The following MYO15A variants were observed in gnomAD, a reference collection of about 807,000 sequenced individuals.
MYO15A encodes the protein unconventional myosin-XV.
Under a neutral mutation model 394.6 loss-of-function variants are expected in MYO15A, and 308 were observed. That is an observed-to-expected ratio of 0.78 (90% confidence interval 0.71 to 0.86). The LOEUF (loss-of-function observed/expected upper bound fraction) is 0.86, where lower values mean the gene tolerates loss of function less well. Among genes scored for constraint, MYO15A ranks in the 40% least tolerant of loss-of-function variants. The pLI is 0.00. For synonymous variants in MYO15A, 1,957 were observed against 2,003.8 expected (o/e 0.98, Z 0.62); for missense variants, 4,606 against 4,799.1 (o/e 0.96, Z 1.19).
chr17:18,150,472 G>A lies in MYO15A; in HGVS notation c.7256G>A (p.Gly2419Glu). Residue 2419 changes from glycine (G) to glutamate (E), a missense_variant, in exon 36 of 66, where the codon GGA becomes GAA. By Grantham distance (98) the Gly-to-Glu change is moderately conservative (BLOSUM62 -2). Around this residue, in one of 2 missense-constraint regions of MYO15A, gnomAD observed 2,776 missense variants for 3,109.3 expected, o/e 0.89. Transcript: ENST00000647165. This position sits in a 1 kb window ranked among gnomAD's most constrained non-coding sequence, Gnocchi z 4.4. ...GCCATTGCCTACCGCATGAAAGGGG[G>A]AGGCCAGCCCGGTGGAGGCAGCAGT... ...PTAIAYRMKG[G>E]GQPGGGSSSG... is the part of the protein sequence containing the mutation. 1 of 1,614,154 alleles carries A rather than the reference G, an allele frequency of 6.2e-7. No individual in the cohort carries two copies. Among genetic ancestry groups the A allele is most frequent in the Non-Finnish European group, 8.5e-7 (1 of 1,180,006 alleles).
chr17:18,157,811 C>G lies in MYO15A; in HGVS notation c.8878C>G (p.Pro2960Ala). The change falls in exon 51 of 66, where the codon CCA (proline) becomes GCA (alanine). Residue 2960 changes from proline to alanine, a missense_variant. This residue lies in a region of MYO15A where 2,776 missense variants were observed against 3,109.3 expected (regional missense o/e 0.89). Coordinates refer to ENST00000647165, the MANE Select transcript of MYO15A (RefSeq NM_016239.4). Reference protein sequence around the residue: ...PAAAPDFLQLPTEPGRGRAAA... With the variant: ...PAAAPDFLQLATEPGRGRAAA... ...TGCTGCCCCCGACTTCCTGCAGCTG[C>G]CAACGGAGCCAGGCCGCGGCCGAGC... 1 of 1,601,484 alleles carries G rather than the reference C, an allele frequency of 6.2e-7. No individual in the cohort carries two copies. The highest frequency in any genetic ancestry group is 1.1e-5 in the South Asian group (1 of 90,976).
chr17:18,174,763 T>C (rs2046990609), intron 65 of MYO15A, among the ~76,000 whole-genome samples: 1 of 152,150 alleles, frequency 6.6e-6, no homozygotes. Flanking sequence ...CACCCACACG[T>C]CTGCCCTGTC....
chr17:18,141,868 G>A, intron 23 of MYO15A, 98 bp downstream of exon 23: 4 of 1,359,050 alleles, frequency 2.9e-6, no homozygotes, highest in Non-Finnish European at 4.2e-6. Context: ...TGCCATCCCA[G>A]GAGCAACCCA....
chr17:18,119,674 C>G lies in MYO15A; in HGVS notation c.874C>G (p.Pro292Ala). The G allele has an allele frequency of 6.2e-7, 1 of 1,607,094 alleles. No individual in the cohort carries two copies. Among genetic ancestry groups the G allele is most frequent in the South Asian group, 1.1e-5 (1 of 91,084 alleles). ...PPEDPYDYYH[P>A]DYYGGPFDPG... ...CGAGGATCCCTACGACTACTACCACCCCGACTATTACGGTGGCCCCTTTGA... is the reference window on the plus strand; with the variant it reads ...CGAGGATCCCTACGACTACTACCACGCCGACTATTACGGTGGCCCCTTTGA... Residue 292 changes from proline to alanine, a missense_variant, in exon 2 of 66, where the codon CCC (proline) becomes GCC (alanine). Transcript: ENST00000647165.
intron 12 of MYO15A, among the ~76,000 whole-genome samples, chr17:18,135,321 C>T (rs1369495910): frequency 1.8e-4 from 27 of 152,168 alleles, no homozygotes; most frequent in Admixed American, 1.8e-3. Flanking sequence ...CAGGCACCCG[C>T]CACCACGCGT....
Position 18,148,263 on chromosome 17 carries a change from G to GACT in MYO15A, c.6691+53_6691+54insACT. The stretch of plus-strand genomic sequence containing the variant: ...GGGCAGTGGGAGTCAGCAGGGCCCA[G>GACT]TGAGCCCCGGGGATGGCAGAAGCCA... On this transcript the variant is annotated intron_variant, in intron 31 of 65. Coordinates refer to ENST00000647165, the MANE Select transcript of MYO15A (RefSeq NM_016239.4). This position sits in a 1 kb window ranked among gnomAD's most constrained non-coding sequence, Gnocchi z 4.8. 3 of 1,606,474 alleles carry GACT rather than the reference G, an allele frequency of 1.9e-6. No homozygotes were observed. In the South Asian group the frequency reaches 3.3e-5, roughly 18 times the overall value.
In MYO15A at chr17:18,173,766, T is replaced by G. The variant is rs377392348; in HGVS notation, c.10351-15T>G. On this transcript the variant is annotated splice_polypyrimidine_tract_variant and intron_variant, in intron 64 of 65. Coordinates refer to ENST00000647165, the MANE Select transcript of MYO15A (RefSeq NM_016239.4). The stretch of plus-strand genomic sequence containing the variant: ...CGCCCACAGGCCTGTCCGGCCCCTC[T>G]CCTCCTACTCCCAGGAATTGATGGT... 8.7e-6 allele frequency: 14 copies of G among 1,613,748 alleles called. No individual in the cohort carries two copies. The African/African-American group carries it at 1.6e-4, about 18-fold the overall frequency.
At chr17:18,173,552 T>C (rs1030165536) in intron 64 of MYO15A, 6 of 613,076 alleles carry the variant, frequency 9.8e-6, no homozygotes, top group Admixed American at 7.1e-5. Flanking sequence ...TGGTACATGA[T>C]AGATGCATCA....
rs1051387171 is a variant in MYO15A, at chr17:18,137,492, C to G, written c.4780-92C>G. 5 of 1,107,750 alleles carry G rather than the reference C, an allele frequency of 4.5e-6. No individual in the cohort carries two copies. In the African/African-American group the frequency reaches 7.7e-5, roughly 17 times the overall value. 68.6% of individuals were successfully genotyped at this position (1,107,750 alleles called of 1,614,324 possible). On this transcript the variant is annotated intron_variant, in intron 15 of 65. Coordinates refer to ENST00000647165, the MANE Select transcript of MYO15A (RefSeq NM_016239.4). ...TGAGCTGAGGGCCTGTGGCTGAGCT[C>G]CAGCTTTTTGAAGTTGCCACCAGGG...
chr17:18,176,483 C>T (rs2047014782), intron 65 of MYO15A: 1 of 152,056 alleles, frequency 6.6e-6, no homozygotes, highest in Admixed American at 6.6e-5. Context: ...CACCTCCCAC[C>T]AGGCCCTGTC....
intron 61 of MYO15A, among the ~76,000 whole-genome samples, chr17:18,167,260 G>A (rs1259685600): frequency 2.6e-5 from 4 of 152,120 alleles, no homozygotes; most frequent in East Asian, 1.9e-4. Context: ...AAGCCCTCCC[G>A]TGGCTCAGGC....
intron 57 of MYO15A, among the ~76,000 whole-genome samples, chr17:18,161,904 C>A (rs2046782474): frequency 6.6e-6 from 1 of 151,218 alleles, no homozygotes; most frequent in Admixed American, 6.6e-5. Flanking sequence ...AAAGGGGGGG[C>A]CACTCTTCAG....
At position 18,150,378 on chromosome 17, in the gene MYO15A, C is replaced by T. The variant is rs572456405; in HGVS notation, c.7213-51C>T. 1.3e-6 allele frequency: 2 copies of T among 1,554,328 alleles called. No individual in the cohort carries two copies. Among genetic ancestry groups the T allele is most frequent in the African/African-American group, 1.4e-5 (1 of 73,664 alleles). On this transcript the variant is annotated intron_variant, in intron 35 of 65. Coordinates refer to ENST00000647165, the MANE Select transcript of MYO15A (RefSeq NM_016239.4). The surrounding 1 kb of genome is among the most constrained non-coding windows in gnomAD (Gnocchi z 4.4). The stretch of plus-strand genomic sequence containing the variant: ...GTGTCAGGTGCCTGTTGCCATGGAA[C>T]CTTGGGAGTACAATAATGAGATGGT...
At position 18,142,177 on chromosome 17, in the gene MYO15A, CTTCA is replaced by C. The variant is rs1401491905; in HGVS notation, c.5751_5754del (p.Phe1917LeufsTer31). 6.2e-7 allele frequency: 1 copy of C among 1,613,856 alleles called. No homozygotes were observed. The highest frequency in any genetic ancestry group is 1.1e-5 in the South Asian group (1 of 91,078). ...CTCTGCAGCGCTGCCTCCGTGGCTT[CTTCA>C]TTAAGCGGCGATTCCGCTCTCTGCG... On this transcript the variant is annotated frameshift_variant, in exon 24 of 66. Transcript: ENST00000647165. LOFTEE classifies it high-confidence loss of function.
chr17:18,149,002 G>A lies in MYO15A; in HGVS notation c.6956+50G>A, dbSNP rs747075358. On this transcript the variant is annotated intron_variant, in intron 33 of 65. Coordinates refer to ENST00000647165, the MANE Select transcript of MYO15A (RefSeq NM_016239.4). ...CACAGATGGCCACTCCCAGGCAGAA[G>A]GCCGGCCACTCCCAGGCAGAAGGCC... is the stretch of plus-strand genomic sequence containing the variant. The A allele has an allele frequency of 7.8e-6, 12 of 1,546,566 alleles. No homozygotes were observed. In the African/African-American group the frequency reaches 1.4e-4, roughly 18 times the overall value.
intron 7 of MYO15A, among the ~76,000 whole-genome samples, chr17:18,130,087 G>C (rs988111125): frequency 5.9e-5 from 9 of 152,170 alleles, no homozygotes; most frequent in Non-Finnish European, 1.3e-4. Flanking sequence ...CACCATGTTG[G>C]TCAGGATAGT....
chr17:18,144,269 C>A (rs544752568), intron 28 of MYO15A, among the ~76,000 whole-genome samples: 2 of 152,204 alleles, frequency 1.3e-5, no homozygotes, highest in Admixed American at 1.3e-4. Flanking sequence ...AGCATGTCAG[C>A]CCAGCTCTGA....
chr17:18,157,748 C>T lies in MYO15A; in HGVS notation c.8815C>T (p.Arg2939Cys), dbSNP rs752473640. 5.6e-6 allele frequency: 9 copies of T among 1,606,302 alleles called. No individual in the cohort carries two copies. The East Asian group carries it at 8.9e-5, about 16-fold the overall frequency. Reference protein sequence around the residue: ...FGWRFGTIHGRVGRFPSELVQ... With the variant: ...FGWRFGTIHGCVGRFPSELVQ... ...CTGGAGGTTCGGGACCATCCACGGG[C>T]GCGTGGGCCGCTTCCCTTCGGAGCT... Residue 2939 changes from arginine to cysteine, a missense_variant, in exon 51 of 66, where the codon CGC (arginine) becomes TGC (cysteine). By Grantham distance (180) the Arg-to-Cys change is radical. Around this residue, in one of 2 missense-constraint regions of MYO15A, gnomAD observed 2,776 missense variants for 3,109.3 expected, o/e 0.89. Coordinates refer to ENST00000647165, the MANE Select transcript of MYO15A (RefSeq NM_016239.4).
At chr17:18,137,940 C>T (rs1418454185) in intron 16 of MYO15A, 175 bp from the exon 17 acceptor site, 16 of 961,794 alleles carry the variant, frequency 1.7e-5, no homozygotes, top group Non-Finnish European at 2.5e-5. Flanking sequence ...GCAGAGGGAG[C>T]AGCAGGACCC....
Sources: allele counts gnomAD v4.1 joint callset (sites outside exome capture counted in the v4.1 genomes callset), GRCh38; gene constraint gnomAD v4.1.1; regional missense constraint gnomAD v4.1.1; non-coding constraint Gnocchi (gnomAD v3.1); transcripts MANE v1.5; gene names NCBI Gene and HGNC (gene_info 2026-07-23, HGNC 2026-07-21).